SLC17A1: variants seen among roughly 807,000 people sequenced by gnomAD.
The protein encoded by SLC17A1 is sodium-dependent phosphate transport protein 1.
SLC17A1 carries 51 observed loss-of-function variants against 53.5 expected under a neutral mutation model. That is an observed-to-expected ratio of 0.95 (90% CI 0.76 to 1.20). The LOEUF is 1.20. Ranked by LOEUF, SLC17A1 falls within the 50% of genes most tolerant of loss-of-function variation. The pLI, the probability that SLC17A1 is intolerant of heterozygous loss-of-function variation, is 0.00. For synonymous variants in SLC17A1, 179 were observed against 198.8 expected (o/e 0.90, Z 0.84); for missense variants, 538 against 568.2 (o/e 0.95, Z 0.54).
At chr6:25,738,424 T>C in the SLC17A1 span, among the ~76,000 whole-genome samples, 1 of 152,160 alleles carries the variant, frequency 6.6e-6, no homozygotes. Flanking sequence ...ATCATATATT[T>C]AAATATGAAA....
At chr6:25,818,832 T>C (rs1033500527) in intron 6 of SLC17A1, among the ~76,000 whole-genome samples, 7 of 152,214 alleles carry the variant, frequency 4.6e-5, no homozygotes, top group African/African-American at 7.2e-5. Context: ...CATATGCATC[T>C]ATATCGCCTA....
chr6:25,787,222 T>A (rs1432262981), intron 12 of SLC17A1, among the ~76,000 whole-genome samples: 1 of 151,906 alleles, frequency 6.6e-6, no homozygotes, highest in East Asian at 1.9e-4. Context: ...GTGCAGTGGC[T>A]CACATCTGAA....
chr6:25,769,242 A>G, the SLC17A1 span: 2 of 1,491,808 alleles, frequency 1.3e-6, no homozygotes, highest in East Asian at 4.6e-5. Flanking sequence ...AATTTGACTT[A>G]AAGAGTTATA....
At chr6:25,760,380 G>T in the SLC17A1 span, among the ~76,000 whole-genome samples, 1 of 151,928 alleles carries the variant, frequency 6.6e-6, no homozygotes, top group Non-Finnish European at 1.5e-5. Flanking sequence ...ATCTTCTATG[G>T]TATCTATTAT....
the SLC17A1 span, chr6:25,726,527 T>G: frequency 1.9e-5 from 30 of 1,603,270 alleles, no homozygotes; most frequent in Non-Finnish European, 2.5e-5. Flanking sequence ...CGTCCAGACA[T>G]CTCCTCGCAT....
At chr6:25,786,478 C>T (rs893987988) in intron 12 of SLC17A1, among the ~76,000 whole-genome samples, 8 of 152,026 alleles carry the variant, frequency 5.3e-5, no homozygotes, top group Non-Finnish European at 1.2e-4. Context: ...TGCGTGTTTC[C>T]CATGGATTAG....
chr6:25,826,388 T>C, intron 3 of SLC17A1, 73 bp downstream of exon 3: 3 of 1,283,064 alleles, frequency 2.3e-6, no homozygotes, highest in Non-Finnish European at 3.2e-6. Flanking sequence ...ATCAGTACAA[T>C]TCCATATCTA....
chr6:25,731,800 A>T, the SLC17A1 span: 1 of 1,597,504 alleles, frequency 6.3e-7, no homozygotes, highest in Non-Finnish European at 8.6e-7. Context: ...GAGCTAGTGT[A>T]CTTGGTGACA....
intron 10 of SLC17A1, among the ~76,000 whole-genome samples, chr6:25,806,927 G>T (rs1352049446): frequency 6.6e-6 from 1 of 151,988 alleles, no homozygotes; most frequent in Non-Finnish European, 1.5e-5. Context: ...AAGAAAAAAT[G>T]CTCAATATTA....
At chr6:25,727,165 GC>G in the SLC17A1 span, 2 of 1,614,174 alleles carry the variant, frequency 1.2e-6, no homozygotes, top group Non-Finnish European at 1.7e-6. Flanking sequence ...GCTCACTACA[GC>G]AAGCGCTCCA....
chr6:25,755,716 T>C, the SLC17A1 span, among the ~76,000 whole-genome samples: 1 of 152,202 alleles, frequency 6.6e-6, no homozygotes, highest in African/African-American at 2.4e-5. Context: ...TTCTTAGCTA[T>C]GGACTCACAG....
chr6:25,815,899 T>C (rs1441998790), intron 6 of SLC17A1, among the ~76,000 whole-genome samples: 1 of 130,030 alleles, frequency 7.7e-6, no homozygotes, highest in Non-Finnish European at 1.6e-5. Flanking sequence ...CCCTACCATA[T>C]GAAAATGCTT....
chr6:25,732,088 CCTT>C, the SLC17A1 span: 1 of 1,022,120 alleles, frequency 9.8e-7, no homozygotes. Context: ...TTTTTGTCCT[CCTT>C]CGAGTTTTAG....
chr6:25,778,950 T>C, downstream of SLC17A1: 2 of 1,450,266 alleles, frequency 1.4e-6, no homozygotes, highest in Non-Finnish European at 1.9e-6. Context: ...GAAGCCAGAG[T>C]GGAGGTCGGG....
At chr6:25,735,566 C>CT in the SLC17A1 span, among the ~76,000 whole-genome samples, 103 of 145,742 alleles carry the variant, frequency 7.1e-4, no homozygotes, top group East Asian at 1.8e-3. Flanking sequence ...AGTTTTTTCA[C>CT]TTTTTTTTTT....
intron 8 of SLC17A1, among the ~76,000 whole-genome samples, 169 bp downstream of exon 8, chr6:25,812,662 G>A (rs942790329): frequency 3.9e-5 from 6 of 152,194 alleles, no homozygotes; most frequent in African/African-American, 1.4e-4. Flanking sequence ...AATGCCTTCT[G>A]TTTTGGGCAA....
the SLC17A1 span, chr6:25,770,176 G>C: frequency 6.2e-7 from 1 of 1,614,098 alleles, no homozygotes; most frequent in Non-Finnish European, 8.5e-7. Flanking sequence ...GGAATATTTG[G>C]AGCCAAGTAT....
the SLC17A1 span, among the ~76,000 whole-genome samples, chr6:25,759,888 T>C: frequency 6.6e-6 from 1 of 152,228 alleles, no homozygotes; most frequent in African/African-American, 2.4e-5. Context: ...TCAGAAAATA[T>C]CTGCATTTAA....
At chr6:25,737,718 T>C in the SLC17A1 span, among the ~76,000 whole-genome samples, 1 of 152,184 alleles carries the variant, frequency 6.6e-6, no homozygotes, top group Non-Finnish European at 1.5e-5. Context: ...ACAATGTTAC[T>C]AGATCACTGA....
Sources: allele counts gnomAD v4.1 joint callset (sites outside exome capture counted in the v4.1 genomes callset), GRCh38; gene constraint gnomAD v4.1.1; transcripts MANE v1.5; gene names NCBI Gene and HGNC (gene_info 2026-07-23, HGNC 2026-07-21).